CMSS1: variants seen among roughly 807,000 people sequenced by gnomAD.
CMSS1 encodes cms1 ribosomal small subunit homolog, also known as protein CMSS1.
CMSS1 carries 33 observed loss-of-function variants against 43.5 expected under a neutral mutation model. That is an observed-to-expected ratio of 0.76 (90% confidence interval 0.57 to 1.01). The LOEUF (loss-of-function observed/expected upper bound fraction) is 1.01. Among genes scored for constraint, CMSS1 ranks in the 50% least tolerant of loss-of-function variants. CMSS1 has a pLI of 0.00. For missense variants in CMSS1, 313 were observed against 326.4 expected, an observed-to-expected ratio of 0.96 and a Z score of 0.32; for synonymous variants, 115 against 117.2, an observed-to-expected ratio of 0.98 and a Z score of 0.12.
At chr3:100,055,180 TC>T (rs1368898460) in intron 1 of CMSS1, among the ~76,000 whole-genome samples, 3 of 152,320 alleles carry the variant, frequency 2.0e-5, no homozygotes, top group South Asian at 2.1e-4. Context: ...GTTCTCCTCG[TC>T]CTACTCTTAT....
intron 1 of CMSS1, among the ~76,000 whole-genome samples, chr3:99,941,980 G>T (rs369419592): frequency 6.6e-6 from 1 of 152,084 alleles, no homozygotes; most frequent in East Asian, 1.9e-4. Context: ...TATAAATTAG[G>T]TGATATTAAG....
At chr3:100,079,382 T>C (rs975212977) in intron 1 of CMSS1, among the ~76,000 whole-genome samples, 1 of 152,234 alleles carries the variant, frequency 6.6e-6, no homozygotes, top group Non-Finnish European at 1.5e-5. Context: ...TTCCATATAG[T>C]TGCTTAGTAA....
rs557985606 is a variant in CMSS1 at position 100,120,038 on chromosome 3, GATA to G, written c.65-26930_65-26928del. On this transcript the variant is annotated intron_variant, in intron 1 of 9. Coordinates refer to ENST00000421999, the MANE Select transcript of CMSS1 (RefSeq NM_032359.4). Reference sequence around the variant, plus strand: ...CATCATAATTTTCTCAAGTGAAAATGATAATAAGAGGTTAACTTTTTTAAAAAA... The same window carrying G: ...CATCATAATTTTCTCAAGTGAAAATGATAAGAGGTTAACTTTTTTAAAAAA... Among the ~76,000 whole-genome samples, 537 of 152,294 alleles carry G rather than the reference GATA, an allele frequency of 3.5e-3. 2 individuals are homozygous for G. Among genetic ancestry groups the G allele is most frequent in the Non-Finnish European group, 5.9e-3 (404 of 68,000 alleles).
chr3:99,882,727 A>G (rs894413587), intron 1 of CMSS1, among the ~76,000 whole-genome samples: 9 of 152,204 alleles, frequency 5.9e-5, no homozygotes, highest in African/African-American at 1.9e-4. Flanking sequence ...TGGCACAAAC[A>G]GTGTGATTAG....
intron 1 of CMSS1, among the ~76,000 whole-genome samples, chr3:100,031,342 A>G (rs985456745): frequency 2.0e-5 from 3 of 152,098 alleles, no homozygotes; most frequent in South Asian, 2.1e-4. Context: ...TAGCAGTCCA[A>G]TAGAAATGTT....
At chr3:100,165,482 TTAAAATGTATC>T (rs1486339162) in intron 4 of CMSS1, among the ~76,000 whole-genome samples, 1 of 152,164 alleles carries the variant, frequency 6.6e-6, no homozygotes, top group Non-Finnish European at 1.5e-5. Flanking sequence ...TATATACATA[TTAAAATGTATC>T]TAAAATGGCT....
chr3:100,033,216 T>C (rs1452609912), intron 1 of CMSS1, among the ~76,000 whole-genome samples: 1 of 152,226 alleles, frequency 6.6e-6, no homozygotes, highest in African/African-American at 2.4e-5. Flanking sequence ...TTGTGCCTTG[T>C]AACATTTGTG....
At position 100,095,872 on chromosome 3, in the gene CMSS1, C is replaced by T. The variant is rs141813823; in HGVS notation, c.65-51101C>T. 5.7e-3 allele frequency among the ~76,000 whole-genome samples: 874 copies of T among 152,236 alleles called. 11 individuals carry two copies. The highest frequency in any genetic ancestry group is 0.016 in the African/African-American group (674 of 41,526). On this transcript the variant is annotated intron_variant, in intron 1 of 9. Transcript: ENST00000421999. ...GAGAAAATATTTGCAAACTACCCAT[C>T]TGACAAGAGATTAATAACTGCAGTA...
chr3:100,068,962 G>A (rs1365602764), intron 1 of CMSS1, among the ~76,000 whole-genome samples: 1 of 152,180 alleles, frequency 6.6e-6, no homozygotes, highest in African/African-American at 2.4e-5. Context: ...CTGTGAAATA[G>A]AGGGACATGA....
At chr3:100,130,102 A>G (rs758640433) in intron 1 of CMSS1, among the ~76,000 whole-genome samples, 1 of 152,220 alleles carries the variant, frequency 6.6e-6, no homozygotes, top group Non-Finnish European at 1.5e-5. Context: ...TATGCTTAGC[A>G]TATACCCCTG....
chr3:100,178,460 C>A lies in CMSS1; in HGVS notation c.*72C>A, dbSNP rs1257358489. On this transcript the variant is annotated 3_prime_UTR_variant, in exon 10 of 10. Coordinates refer to ENST00000421999, the MANE Select transcript of CMSS1 (RefSeq NM_032359.4). ...CTTATTTAATGACTCTGATACATTG[C>A]AAGCACTCAGTAAATATCAGCAAAT... 4.3e-5 allele frequency: 38 copies of A among 889,530 alleles called. No homozygotes were observed. Among genetic ancestry groups the A allele is most frequent in the Non-Finnish European group, 7.0e-5 (38 of 544,304 alleles). The allele number at this position is 889,530 out of a possible 1,614,324, so 55.1% of individuals were successfully genotyped here.
intron 1 of CMSS1, chr3:99,850,299 A>G: frequency 6.2e-7 from 1 of 1,613,802 alleles, no homozygotes; most frequent in Non-Finnish European, 8.5e-7. Flanking sequence ...CCAGTTCTTG[A>G]GACAACTGCT....
intron 1 of CMSS1, among the ~76,000 whole-genome samples, chr3:99,945,080 G>A (rs1036767771): frequency 1.3e-5 from 2 of 152,114 alleles, no homozygotes; most frequent in African/African-American, 4.8e-5. Flanking sequence ...AAGCATCAAG[G>A]AAAATACACA....
At chr3:99,957,847 T>A (rs1006985507) in intron 1 of CMSS1, among the ~76,000 whole-genome samples, 27 of 151,350 alleles carry the variant, frequency 1.8e-4, no homozygotes, top group Admixed American at 4.6e-4. Flanking sequence ...GATATTTGTA[T>A]GTTCTTAATA....
intron 1 of CMSS1, among the ~76,000 whole-genome samples, chr3:100,073,556 T>A (rs1392758011): frequency 6.6e-6 from 1 of 152,156 alleles, no homozygotes; most frequent in East Asian, 1.9e-4. Flanking sequence ...AATAAGGAAC[T>A]TGGGTCCAGG....
intron 1 of CMSS1, chr3:99,850,341 T>C: frequency 6.2e-7 from 1 of 1,613,048 alleles, no homozygotes; most frequent in Non-Finnish European, 8.5e-7. Flanking sequence ...CTAAATTGCA[T>C]TTCAGAGAGT....
At chr3:100,117,586 A>T (rs2066581389) in intron 1 of CMSS1, among the ~76,000 whole-genome samples, 1 of 152,050 alleles carries the variant, frequency 6.6e-6, no homozygotes, top group African/African-American at 2.4e-5. Flanking sequence ...TATTAAGAGC[A>T]TAAAGTGTGG....
chr3:100,062,604 T>C (rs1310286656), intron 1 of CMSS1, among the ~76,000 whole-genome samples: 1 of 152,246 alleles, frequency 6.6e-6, no homozygotes, highest in Non-Finnish European at 1.5e-5. Flanking sequence ...CATGGGCAAT[T>C]AGAGCTACAT....
At chr3:99,894,187 G>A (rs1420672741) in intron 1 of CMSS1, among the ~76,000 whole-genome samples, 1 of 152,176 alleles carries the variant, frequency 6.6e-6, no homozygotes, top group African/African-American at 2.4e-5. Flanking sequence ...TAGAAAAGGA[G>A]ATAGGATGGT....
Sources: gnomAD v4.1 joint callset for allele counts (sites outside exome capture counted in the v4.1 genomes callset) on GRCh38, gnomAD v4.1.1 for gene constraint, MANE v1.5 for transcripts, NCBI Gene and HGNC (gene_info 2026-07-23, HGNC 2026-07-21) for gene names.